Variants in SATB2 observed in about 807,000 individuals in gnomAD.
SATB2 encodes the protein SATB homeobox 2, also known as DNA-binding protein SATB2.
In SATB2, 1 loss-of-function variant was observed where a neutral mutation model predicts 73.4. The ratio of observed to expected loss-of-function variants is 0.01; its 90% CI spans 0.00 to 0.06. The LOEUF (loss-of-function observed/expected upper bound fraction) is 0.06, where lower values mean the gene tolerates loss of function less well. Ranked by LOEUF, SATB2 falls within the 10% of genes least tolerant of loss-of-function variation. The pLI is 1.00. For missense variants in SATB2, 459 were observed against 945.8 expected (o/e 0.49, Z 6.75); for synonymous variants, 397 against 367.0 (o/e 1.08, Z -0.93).
chr2:199,423,440 T>C (rs1280303070), intron 3 of SATB2, among the ~76,000 whole-genome samples: 1 of 152,042 alleles, frequency 6.6e-6, no homozygotes, highest in East Asian at 1.9e-4. Context: ...GTGGTAAAAT[T>C]CAACCACCTA....
chr2:199,431,385 AAAAC>A (rs1459604352), intron 3 of SATB2, among the ~76,000 whole-genome samples: 1 of 152,240 alleles, frequency 6.6e-6, no homozygotes, highest in Non-Finnish European at 1.5e-5. Flanking sequence ...AGCCTAATTT[AAAAC>A]AAACTGATTT....
At chr2:199,390,775 C>A (rs1293342252) in intron 3 of SATB2, among the ~76,000 whole-genome samples, 1 of 152,114 alleles carries the variant, frequency 6.6e-6, no homozygotes, top group African/African-American at 2.4e-5. Flanking sequence ...TCCTGAGGAC[C>A]TGGCTTTCCA....
At chr2:199,329,930 T>C (rs1467242237) in intron 7 of SATB2, among the ~76,000 whole-genome samples, 1 of 152,154 alleles carries the variant, frequency 6.6e-6, no homozygotes, top group Non-Finnish European at 1.5e-5. Flanking sequence ...CCAGCTAATA[T>C]ATTGCTTCTC....
At chr2:199,321,945 C>G (rs930787274) in intron 9 of SATB2, among the ~76,000 whole-genome samples, 11 of 152,128 alleles carry the variant, frequency 7.2e-5, no homozygotes, top group African/African-American at 2.4e-4. Context: ...TATTAATTCC[C>G]AGAACTATGT....
At chr2:199,336,853 T>C (rs1414705911) in intron 7 of SATB2, among the ~76,000 whole-genome samples, 1 of 152,138 alleles carries the variant, frequency 6.6e-6, no homozygotes, top group Admixed American at 6.6e-5. Context: ...GGATTCGAAA[T>C]TGGGCTCTAA....
In SATB2 at chr2:199,355,158, AAAAAT is replaced by A. The variant is rs1296880092; in HGVS notation, c.701-5990_701-5986del. 5.3e-5 allele frequency among the ~76,000 whole-genome samples: 8 copies of A among 151,520 alleles called. 1 individual carries two copies. The highest frequency in any genetic ancestry group is 3.4e-3 in the Middle Eastern group (1 of 290). On this transcript the variant is annotated intron_variant, in intron 6 of 10. Transcript: ENST00000417098. Reference sequence around the variant, plus strand: ...GTTACAAGAACATTTTCAAAACTCAAAAAATAAAATAATACACACACACACACATA... The same window carrying A: ...GTTACAAGAACATTTTCAAAACTCAAAAAATAATACACACACACACACATA...
chr2:199,374,224 A>T (rs1487464036), intron 5 of SATB2, among the ~76,000 whole-genome samples: 1 of 152,234 alleles, frequency 6.6e-6, no homozygotes, highest in East Asian at 1.9e-4. Context: ...TTCCTCAAAT[A>T]TTCAGCAACA....
intron 5 of SATB2, among the ~76,000 whole-genome samples, chr2:199,371,067 T>C (rs1337382687): frequency 6.6e-6 from 1 of 152,164 alleles, no homozygotes; most frequent in Non-Finnish European, 1.5e-5. Flanking sequence ...CAGGTCTTTA[T>C]ATAGAACTAA....
rs1574506012 is a variant in SATB2, at chr2:199,323,821, C to G, written c.1524G>C (p.Val508=). The part of the protein sequence containing the change: ...AKVSQALFAK[V]AANKSQGWLC... ...CACTCACCTGACTTTTATTTGCAGC[C>G]ACTTTGGCAAACAGGGCTTGAGACA... Residue 508 remains valine, a synonymous_variant, in exon 9 of 11, where the codon GTG becomes GTC. Coordinates refer to ENST00000417098, the MANE Select transcript of SATB2 (RefSeq NM_001172509.2). 1 of 1,613,374 alleles carries G rather than the reference C, an allele frequency of 6.2e-7. No homozygotes were observed. Among genetic ancestry groups the G allele is most frequent in the Middle Eastern group, 1.7e-4 (1 of 6,060 alleles).
At chr2:199,350,747 G>A (rs1232166708) in intron 6 of SATB2, among the ~76,000 whole-genome samples, 1 of 152,046 alleles carries the variant, frequency 6.6e-6, no homozygotes, top group Non-Finnish European at 1.5e-5. Context: ...GTTAAGCTGG[G>A]CATGGTGGCT....
intron 3 of SATB2, among the ~76,000 whole-genome samples, chr2:199,422,776 T>C (rs1691210497): frequency 6.6e-6 from 1 of 152,130 alleles, no homozygotes; most frequent in Admixed American, 6.6e-5. Flanking sequence ...AATGAGTTAG[T>C]AAATGTTAAG....
At chr2:199,354,248 T>C (rs770743448) in intron 6 of SATB2, among the ~76,000 whole-genome samples, 1 of 151,930 alleles carries the variant, frequency 6.6e-6, no homozygotes, top group Non-Finnish European at 1.5e-5. Context: ...CCCAACTACT[T>C]AGGAGGCTGA....
intron 3 of SATB2, among the ~76,000 whole-genome samples, chr2:199,387,637 G>C (rs979173488): frequency 2.1e-4 from 32 of 152,156 alleles, no homozygotes; most frequent in African/African-American, 7.7e-4. Context: ...TTTATTTTGG[G>C]GTTGAAATTC....
chr2:199,284,954 C>T (rs1692641685), intron 10 of SATB2, among the ~76,000 whole-genome samples: 1 of 152,060 alleles, frequency 6.6e-6, no homozygotes. Flanking sequence ...ATGTACATTA[C>T]ATGCAAATAC....
intron 3 of SATB2, among the ~76,000 whole-genome samples, chr2:199,412,060 G>T (rs1690836274): frequency 6.6e-6 from 1 of 152,126 alleles, no homozygotes; most frequent in Non-Finnish European, 1.5e-5. Flanking sequence ...GGAGTGCGAG[G>T]AGTCACATGG....
chr2:199,287,601 T>C (rs1692728181), intron 10 of SATB2, among the ~76,000 whole-genome samples: 1 of 152,036 alleles, frequency 6.6e-6, no homozygotes, highest in Non-Finnish European at 1.5e-5. Context: ...GGGGAGATTA[T>C]CTATGTATAC....
chr2:199,348,815 T>G lies in SATB2; in HGVS notation c.1059A>C (p.Pro353=), dbSNP rs1277703220. 1.9e-6 allele frequency: 3 copies of G among 1,613,200 alleles called. No homozygotes were observed. The Admixed American group carries it at 5.0e-5, about 27-fold the overall frequency. ...PPIPRAVKPE[P]TNSSVEVSPD... ...GAGAGACTTCCACGGAAGAGTTGGT[T>G]GGCTCTGGCTTAACTGCTCTGGGGA... The change falls in exon 7 of 11, where the codon CCA becomes CCC. Residue 353 remains proline (P), a synonymous_variant. Coordinates refer to ENST00000417098, the MANE Select transcript of SATB2 (RefSeq NM_001172509.2).
chr2:199,346,048 T>A (rs1397350214), intron 7 of SATB2, among the ~76,000 whole-genome samples: 1 of 152,138 alleles, frequency 6.6e-6, no homozygotes. Flanking sequence ...GAGTAGTTTT[T>A]CCCATAAAAA....
intron 5 of SATB2, among the ~76,000 whole-genome samples, chr2:199,369,644 C>A (rs767742168): frequency 2.3e-4 from 35 of 152,056 alleles, no homozygotes; most frequent in Non-Finnish European, 4.1e-4. Context: ...TTATATCTTG[C>A]CTTGAAATCT....
Sources: allele counts gnomAD v4.1 joint callset (sites outside exome capture counted in the v4.1 genomes callset), GRCh38; gene constraint gnomAD v4.1.1; transcripts MANE v1.5; gene names NCBI Gene and HGNC (gene_info 2026-07-23, HGNC 2026-07-21).